Variants in UBOX5 observed in about 807,000 individuals in gnomAD.
UBOX5 encodes U-box domain containing 5.
A neutral mutation model predicts 39.0 loss-of-function variants in UBOX5; 28 were observed. That is an observed-to-expected ratio of 0.72 (90% CI 0.53 to 0.98). The LOEUF is 0.98. Ranked by LOEUF, UBOX5 falls within the 50% of genes least tolerant of loss-of-function variation. The probability of loss-of-function intolerance (pLI) is 0.00; values close to 1 mark genes in which losing one functional copy is unlikely to be tolerated. For missense variants in UBOX5, 585 were observed against 674.4 expected (o/e 0.87, Z 1.47); for synonymous variants, 283 against 275.5 (o/e 1.03, Z -0.27).
Position 3,121,656 on chromosome 20 carries a change from A to C in UBOX5, c.983T>G (p.Ile328Ser). ...PLPHPSLKARIDHFLLQHSIP... is the reference protein window; with the variant it reads ...PLPHPSLKARSDHFLLQHSIP... ...GGAGTGCTGGAGCAGGAAATGGTCA[A>C]TCCGGGCCTTGAGGGAGGGGTGAGG... is the stretch of plus-strand genomic sequence containing the variant. Residue 328 changes from isoleucine to serine, a missense_variant, in exon 3 of 5, where the codon ATT (isoleucine) becomes AGT (serine). Coordinates refer to ENST00000217173, the MANE Select transcript of UBOX5 (RefSeq NM_014948.4). 1 of 1,613,516 alleles carries C rather than the reference A, an allele frequency of 6.2e-7. No individual in the cohort carries two copies. Among genetic ancestry groups the C allele is most frequent in the Non-Finnish European group, 8.5e-7 (1 of 1,179,804 alleles).
chr20:3,137,175 C>T (rs1228095847), intron 1 of UBOX5, among the ~76,000 whole-genome samples: 5 of 144,502 alleles, frequency 3.5e-5, no homozygotes, highest in Non-Finnish European at 7.6e-5. Flanking sequence ...GAACTTCTGA[C>T]CTCAAGTGAT....
chr20:3,156,579 A>G (rs1005736200), intron 1 of UBOX5: 7 of 152,174 alleles, frequency 4.6e-5, no homozygotes, highest in Non-Finnish European at 1.0e-4. Context: ...AGGGGTCCTA[A>G]CGAAACAGAG....
At chr20:3,114,697 CT>C (rs1243877695) in intron 4 of UBOX5, among the ~76,000 whole-genome samples, 1 of 152,190 alleles carries the variant, frequency 6.6e-6, no homozygotes, top group Admixed American at 6.6e-5. Flanking sequence ...CTCCTGTAAT[CT>C]CAGCGCTTTG....
At chr20:3,120,748 T>C (rs1051000910) in intron 3 of UBOX5, among the ~76,000 whole-genome samples, 4 of 152,196 alleles carry the variant, frequency 2.6e-5, no homozygotes, top group African/African-American at 9.7e-5. Context: ...TTGCAATTTG[T>C]CCACACATTT....
chr20:3,128,230 T>A (rs1359224922), intron 1 of UBOX5, among the ~76,000 whole-genome samples: 5 of 152,196 alleles, frequency 3.3e-5, no homozygotes. Flanking sequence ...GAGCAGCATT[T>A]CCCCCAGCTT....
intron 4 of UBOX5, chr20:3,110,720 C>A (rs1159397537): frequency 3.9e-6 from 1 of 255,390 alleles, no homozygotes; most frequent in East Asian, 9.7e-5. Flanking sequence ...AAAGGCAGGT[C>A]AGTGGGGTGG....
At chr20:3,154,278 C>T (rs886067058) in intron 1 of UBOX5, among the ~76,000 whole-genome samples, 6 of 152,224 alleles carry the variant, frequency 3.9e-5, no homozygotes, top group East Asian at 3.9e-4. Context: ...ATACTTCTAC[C>T]GGATAATCCG....
rs1301239527 is a variant in UBOX5, at chr20:3,149,737, C to A, written c.-42+10029G>T. 6.6e-6 allele frequency among the ~76,000 whole-genome samples: 1 copy of A among 152,134 alleles called. No individual in the cohort carries two copies. The highest frequency in any genetic ancestry group is 1.5e-5 in the Non-Finnish European group (1 of 68,036). On this transcript the variant is annotated intron_variant, in intron 1 of 4. Coordinates refer to ENST00000217173, the MANE Select transcript of UBOX5 (RefSeq NM_014948.4). This position sits in a 1 kb window ranked among gnomAD's most constrained non-coding sequence, Gnocchi z 4.1. ...TCTGGTATAAAAGATAATTAGTTGG[C>A]TGGGTGTGGGTGGCTCATGCCTGTA... is the stretch of plus-strand genomic sequence containing the variant.
Position 3,149,311 on chromosome 20 carries a change from CA to C in UBOX5, c.-42+10454del. ...AGTGGCTTCTACCTATAAAAGCATCCAAATTTACACATTATAAAAAACAGGT... is the reference window on the plus strand; with the variant it reads ...AGTGGCTTCTACCTATAAAAGCATCCAATTTACACATTATAAAAAACAGGT... On this transcript the variant is annotated intron_variant, in intron 1 of 4. Transcript: ENST00000217173. This position sits in a 1 kb window ranked among gnomAD's most constrained non-coding sequence, Gnocchi z 4.1. 2.0e-6 allele frequency: 1 copy of C among 507,454 alleles called. No homozygotes were observed. The allele number at this position is 507,454 out of a possible 1,614,324, so 31.4% of individuals were successfully genotyped here. A position where few individuals can be genotyped will look rare whatever the true frequency, so the allele number is the denominator to read the frequency against.
chr20:3,121,879 C>T lies in UBOX5; in HGVS notation c.760G>A (p.Glu254Lys), dbSNP rs148312420. 114 of 1,613,986 alleles carry T rather than the reference C, an allele frequency of 7.1e-5. No individual in the cohort carries two copies. Among genetic ancestry groups the T allele is most frequent in the Admixed American group, 2.0e-4 (12 of 60,022 alleles). ...TCCTCAGGCACATCCTGAATGATCT[C>T]GGCCAGCTTCTGCAGGCTGGAGGGA... ...QAPSSLQKLAEIIQDVPEEFL... is the reference protein window; with the variant it reads ...QAPSSLQKLAKIIQDVPEEFL... Residue 254 changes from glutamate (E) to lysine (K), a missense_variant, in exon 3 of 5, where the codon GAG (glutamate) becomes AAG (lysine). By Grantham distance (56) the Glu-to-Lys change is moderately conservative. Transcript: ENST00000217173.
intron 1 of UBOX5, among the ~76,000 whole-genome samples, chr20:3,131,439 C>T (rs938804029): frequency 1.3e-5 from 2 of 151,988 alleles, no homozygotes; most frequent in African/African-American, 2.4e-5. Context: ...AATTTTAAAC[C>T]ATCCTTTTTA....
intron 4 of UBOX5, 21 bp from the exon 5 acceptor site, chr20:3,110,335 A>G (rs1447274736): frequency 3.1e-6 from 5 of 1,613,632 alleles, no homozygotes; most frequent in Non-Finnish European, 4.2e-6. Context: ...AGGAAGGAAA[A>G]CAGGCCAGGG....
Position 3,121,825 on chromosome 20 carries a change from T to C in UBOX5, c.814A>G (p.Met272Val), listed in dbSNP as rs768718812. 1.9e-6 allele frequency: 3 copies of C among 1,614,142 alleles called. No individual in the cohort carries two copies. The highest frequency in any genetic ancestry group is 2.2e-5 in the East Asian group (1 of 44,860). Residue 272 changes from methionine to valine, a missense_variant, in exon 3 of 5, where the codon ATG becomes GTG. Physicochemically the swap from Met to Val is conservative, Grantham distance 21 (BLOSUM62 1). Transcript: ENST00000217173. The stretch of plus-strand genomic sequence containing the variant: ...GAGGGCAGCAGCATGGGACAAGGCA[T>C]GATCTCCAGGGTGATGGGATCCAGG... ...EFLDPITLEI[M>V]PCPMLLPSGK... is the part of the protein sequence containing the mutation.
At chr20:3,136,009 A>G (rs2066468987) in intron 1 of UBOX5, 1 of 152,206 alleles carries the variant, frequency 6.6e-6, no homozygotes, top group Non-Finnish European at 1.5e-5. Context: ...CTAGATGACA[A>G]CAGCAATTCT....
intron 1 of UBOX5, among the ~76,000 whole-genome samples, chr20:3,126,874 A>T (rs936484148): frequency 1.3e-5 from 2 of 151,792 alleles, no homozygotes; most frequent in African/African-American, 2.4e-5. Flanking sequence ...CATCTCTACT[A>T]AAAATACAAA....
At chr20:3,139,753 C>T (rs1369281052) in intron 1 of UBOX5, among the ~76,000 whole-genome samples, 1 of 149,410 alleles carries the variant, frequency 6.7e-6, no homozygotes, top group Non-Finnish European at 1.5e-5. Flanking sequence ...TGTGTCACCT[C>T]GGCTGGAGAG....
At chr20:3,147,473 A>G in intron 1 of UBOX5, 2 of 1,614,214 alleles carry the variant, frequency 1.2e-6, no homozygotes, top group South Asian at 1.1e-5. Flanking sequence ...GTGAGTACTA[A>G]GACGATTGCC....
At chr20:3,158,006 C>A (rs936834459) in intron 1 of UBOX5, among the ~76,000 whole-genome samples, 1 of 152,116 alleles carries the variant, frequency 6.6e-6, no homozygotes, top group African/African-American at 2.4e-5. Flanking sequence ...CCTCTCACCC[C>A]GGCAACCTCC....
rs138389622 is a variant in UBOX5, at chr20:3,154,302, G to A, written c.-42+5464C>T. On this transcript the variant is annotated intron_variant, in intron 1 of 4. Transcript: ENST00000217173. ...CCGGATAATCCGGGCATGAACAAGA[G>A]ATAAGGATACAAAAAGCCATGCTAA... Among the ~76,000 whole-genome samples, 12 of 152,308 alleles carry A rather than the reference G, an allele frequency of 7.9e-5. No homozygotes were observed. The East Asian group carries it at 2.3e-3, about 29-fold the overall frequency.
Sources: allele counts gnomAD v4.1 joint callset (sites outside exome capture counted in the v4.1 genomes callset), GRCh38; gene constraint gnomAD v4.1.1; non-coding constraint Gnocchi (gnomAD v3.1); transcripts MANE v1.5; gene names NCBI Gene and HGNC (gene_info 2026-07-23, HGNC 2026-07-21).